The following CBFA2T2 variants were observed in gnomAD, a reference collection of about 807,000 sequenced individuals.
The protein encoded by CBFA2T2 is CBFA2/RUNX1 partner transcriptional co-repressor 2, also known as protein CBFA2T2.
A neutral mutation model predicts 62.2 loss-of-function variants in CBFA2T2; 11 were observed. The ratio of observed to expected loss-of-function variants is 0.18; its 90% CI spans 0.11 to 0.29. The LOEUF is 0.29. Ranked by LOEUF, CBFA2T2 falls within the 10% of genes least tolerant of loss-of-function variation. The pLI is 1.00. For missense variants in CBFA2T2, 592 were observed against 774.1 expected, an observed-to-expected ratio of 0.76 and a Z score of 2.79; for synonymous variants, 295 against 287.5, an observed-to-expected ratio of 1.03 and a Z score of -0.27.
chr20:33,493,182 TCTC>T (rs1436058145), intron 1 of CBFA2T2, among the ~76,000 whole-genome samples: 1 of 151,528 alleles, frequency 6.6e-6, no homozygotes, highest in Non-Finnish European at 1.5e-5. Context: ...TTCAAGCAGT[TCTC>T]CTGCCTCAGC....
intron 1 of CBFA2T2, among the ~76,000 whole-genome samples, chr20:33,570,219 T>C (rs2146901779): frequency 6.6e-6 from 1 of 152,324 alleles, no homozygotes; most frequent in Non-Finnish European, 1.5e-5. Context: ...AGGCAGAGTT[T>C]GCAGGGAGCC....
intron 1 of CBFA2T2, among the ~76,000 whole-genome samples, chr20:33,513,805 C>T (rs1377431694): frequency 1.8e-5 from 2 of 113,650 alleles, no homozygotes; most frequent in African/African-American, 6.3e-5. Flanking sequence ...CAGAGTAAGA[C>T]TCTGTCCCAG....
intron 1 of CBFA2T2, among the ~76,000 whole-genome samples, chr20:33,558,367 A>G (rs139082909): frequency 4.6e-4 from 70 of 152,254 alleles, no homozygotes; most frequent in African/African-American, 1.5e-3. Context: ...TCCTGGCCTC[A>G]AGTGAGACAT....
At chr20:33,515,815 A>C (rs932779787) in intron 1 of CBFA2T2, among the ~76,000 whole-genome samples, 2 of 151,414 alleles carry the variant, frequency 1.3e-5, no homozygotes, top group Non-Finnish European at 2.9e-5. Flanking sequence ...AAAAAAAAAA[A>C]AAAAAACGGG....
intron 4 of CBFA2T2, among the ~76,000 whole-genome samples, chr20:33,620,621 C>G (rs1252330490): frequency 6.6e-6 from 1 of 152,192 alleles, no homozygotes. Flanking sequence ...AGGCAGATTA[C>G]CTGAGGTCAG....
chr20:33,633,933 G>A (rs577731066), intron 8 of CBFA2T2, among the ~76,000 whole-genome samples: 3 of 152,210 alleles, frequency 2.0e-5, no homozygotes, highest in African/African-American at 7.2e-5. Flanking sequence ...GAACTGGTCA[G>A]CCATCTAACT....
rs548767325 is a variant in CBFA2T2 at position 33,584,942 on chromosome 20, A to G, written c.35-22014A>G. On this transcript the variant is annotated intron_variant, in intron 1 of 10. Coordinates refer to ENST00000342704, the MANE Select transcript of CBFA2T2 (RefSeq NM_001032999.3). ...TACCAAGTTGCTGAGATTGTAACCC[A>G]GGGCATTTGGTCTAATTTGGGAGCA... Among the ~76,000 whole-genome samples the G allele has an allele frequency of 6.6e-5, 10 of 152,294 alleles. No homozygotes were observed. In the South Asian group the frequency reaches 1.9e-3, roughly 28 times the overall value.
chr20:33,556,089 A>G (rs1013988680), intron 1 of CBFA2T2, among the ~76,000 whole-genome samples: 1 of 152,160 alleles, frequency 6.6e-6, no homozygotes, highest in Non-Finnish European at 1.5e-5. Context: ...CTGGTCTCGA[A>G]CTCCTTACCT....
chr20:33,589,416 A>C (rs1001942623), intron 1 of CBFA2T2, among the ~76,000 whole-genome samples: 10 of 152,350 alleles, frequency 6.6e-5, no homozygotes, highest in South Asian at 2.1e-4. Flanking sequence ...ATGATCAGTT[A>C]AGAGAGTTAC....
chr20:33,538,864 T>C (rs2012335323), intron 1 of CBFA2T2, among the ~76,000 whole-genome samples: 1 of 152,100 alleles, frequency 6.6e-6, no homozygotes, highest in Non-Finnish European at 1.5e-5. Context: ...TTTTTTTAAT[T>C]AGTTAATGGC....
chr20:33,552,013 A>G (rs1159759562), intron 1 of CBFA2T2, among the ~76,000 whole-genome samples: 3 of 151,458 alleles, frequency 2.0e-5, no homozygotes, highest in Non-Finnish European at 2.9e-5. Flanking sequence ...GATGACTCAA[A>G]CATCAGAATT....
chr20:33,625,523 C>T (rs2016190054), intron 6 of CBFA2T2, among the ~76,000 whole-genome samples: 1 of 152,210 alleles, frequency 6.6e-6, no homozygotes, highest in South Asian at 2.1e-4. Flanking sequence ...TCAGATGGTT[C>T]AGAAGAAGAG....
intron 1 of CBFA2T2, among the ~76,000 whole-genome samples, chr20:33,491,956 C>T (rs964501012): frequency 2.0e-5 from 3 of 152,070 alleles, no homozygotes; most frequent in Admixed American, 2.0e-4. Flanking sequence ...TATCGGCTCA[C>T]TGCAACCTCC....
intron 8 of CBFA2T2, among the ~76,000 whole-genome samples, chr20:33,634,191 A>C (rs2016548914): frequency 6.6e-6 from 1 of 151,974 alleles, no homozygotes; most frequent in Admixed American, 6.6e-5. Context: ...TCGGTCTCGA[A>C]CTCCTGACCT....
At chr20:33,490,372 T>A in intron 1 of CBFA2T2, 71 bp downstream of exon 1, 1 of 1,221,060 alleles carries the variant, frequency 8.2e-7, no homozygotes, top group Non-Finnish European at 1.0e-6. Flanking sequence ...GCGCGGTGAT[T>A]CCGAGTGCCC....
chr20:33,539,129 T>G (rs2012343438), intron 1 of CBFA2T2, among the ~76,000 whole-genome samples: 1 of 152,244 alleles, frequency 6.6e-6, no homozygotes, highest in African/African-American at 2.4e-5. Flanking sequence ...AAATTTGGTT[T>G]GAATTCCCAT....
chr20:33,629,955 C>T, intron 8 of CBFA2T2, 41 bp downstream of exon 8: 1 of 1,514,780 alleles, frequency 6.6e-7, no homozygotes, highest in Non-Finnish European at 8.9e-7. Context: ...TAAATGTCAG[C>T]CTTTAGAGCC....
intron 1 of CBFA2T2, among the ~76,000 whole-genome samples, chr20:33,549,279 A>T (rs1041231322): frequency 8.9e-4 from 67 of 75,094 alleles, no homozygotes; most frequent in Non-Finnish European, 1.5e-3. Context: ...CAAATTTATA[A>T]AAAAAAAAAA....
chr20:33,572,896 T>C (rs1003545053), intron 1 of CBFA2T2, among the ~76,000 whole-genome samples: 1 of 152,224 alleles, frequency 6.6e-6, no homozygotes, highest in Non-Finnish European at 1.5e-5. Flanking sequence ...AGGGCATGGC[T>C]GGAAGCAGCA....
Sources: gnomAD v4.1 joint callset for allele counts (sites outside exome capture counted in the v4.1 genomes callset) on GRCh38, gnomAD v4.1.1 for gene constraint, MANE v1.5 for transcripts, NCBI Gene and HGNC (gene_info 2026-07-23, HGNC 2026-07-21) for gene names.